The following TENM1 variants were observed in gnomAD, a reference collection of about 807,000 sequenced individuals.
TENM1 encodes the protein teneurin transmembrane protein 1.
In TENM1, 35 loss-of-function variants were observed where a neutral mutation model predicts 174.8. That is an observed-to-expected ratio of 0.20 (90% CI 0.15 to 0.27). TENM1 has a LOEUF of 0.27. Among genes scored for constraint, TENM1 ranks in the 10% least tolerant of loss-of-function variants. The pLI is 1.00. For synonymous variants in TENM1, 781 were observed against 798.7 expected (o/e 0.98, Z 0.37); for missense variants, 1,633 against 2,130.1 (o/e 0.77, Z 4.59).
chrX:124,718,601 A>C (rs2053240511), intron 4 of TENM1, among the ~76,000 whole-genome samples: 1 of 112,368 alleles, frequency 8.9e-6, no homozygotes. Flanking sequence ...AGAGAGGCTC[A>C]GATTTAAATG....
At chrX:124,613,283 G>A (rs2148310669) in intron 11 of TENM1, among the ~76,000 whole-genome samples, 1 of 110,943 alleles carries the variant, frequency 9.0e-6, no homozygotes, top group South Asian at 3.9e-4. Flanking sequence ...GGCATTATGA[G>A]GAAAAAATAG....
the TENM1 span, among the ~76,000 whole-genome samples, chrX:125,090,681 T>A: frequency 9.0e-6 from 1 of 110,984 alleles, no homozygotes; most frequent in Non-Finnish European, 1.9e-5. Context: ...AACACAGCCA[T>A]GAAAATATGT....
intron 11 of TENM1, among the ~76,000 whole-genome samples, chrX:124,609,318 C>T (rs2050232703): frequency 9.0e-6 from 1 of 111,298 alleles, no homozygotes; most frequent in African/African-American, 3.3e-5. Flanking sequence ...AAAAAGTCTC[C>T]CAAGCCAAGA....
At chrX:124,832,703 T>A (rs1447236498) in intron 3 of TENM1, among the ~76,000 whole-genome samples, 1 of 111,382 alleles carries the variant, frequency 9.0e-6, no homozygotes, top group Non-Finnish European at 1.9e-5. Flanking sequence ...GCCTCCTGAG[T>A]AGAAAGGACT....
At chrX:124,906,299 G>GAC (rs2057747489) in intron 1 of TENM1, among the ~76,000 whole-genome samples, 5 of 111,849 alleles carry the variant, frequency 4.5e-5, no homozygotes, top group Admixed American at 3.8e-4. Context: ...TGCTGAATGT[G>GAC]TATTGCTTTT....
intron 3 of TENM1, among the ~76,000 whole-genome samples, chrX:124,884,541 C>G (rs1226805277): frequency 9.0e-6 from 1 of 111,154 alleles, no homozygotes; most frequent in Non-Finnish European, 1.9e-5. Context: ...TGGGGTCTCT[C>G]ACTTATCCTT....
chrX:124,557,554 T>C (rs993624324), intron 14 of TENM1, among the ~76,000 whole-genome samples: 1 of 111,099 alleles, frequency 9.0e-6, no homozygotes, highest in Non-Finnish European at 1.9e-5. Context: ...ATGGTATGAA[T>C]TAAAAAATCT....
rs192989601 is a variant in TENM1 at position 124,931,129 on chromosome X, T to A, written c.217+32408A>T. 1.9e-3 allele frequency among the ~76,000 whole-genome samples: 212 copies of A among 110,288 alleles called. 1 individual carries two copies. Among genetic ancestry groups the A allele is most frequent in the African/African-American group, 6.6e-3 (199 of 30,299 alleles). ...CAGAGAAGAAGGCTTCAAAACTCAATCCAAATCAAAGAGGGCTGCAGACTT... is the reference window on the plus strand; with the variant it reads ...CAGAGAAGAAGGCTTCAAAACTCAAACCAAATCAAAGAGGGCTGCAGACTT... On this transcript the variant is annotated intron_variant, in intron 1 of 31. Coordinates refer to ENST00000422452, the Ensembl canonical transcript of TENM1.
the TENM1 span, among the ~76,000 whole-genome samples, chrX:125,139,823 A>AACACACACACACAC: frequency 1.3e-5 from 1 of 78,530 alleles, no homozygotes. Context: ...AGCTGCCCTC[A>AACACACACACACAC]ACACACACAC....
chrX:124,420,619 T>G, exon 25 of TENM1: 1 of 1,211,324 alleles, frequency 8.3e-7, no homozygotes, highest in Non-Finnish European at 1.1e-6. Context: ...GTAGGTGGGT[T>G]CCATTTACAG....
chrX:124,743,103 T>C (rs1206290560), intron 3 of TENM1, among the ~76,000 whole-genome samples: 5 of 112,042 alleles, frequency 4.5e-5, no homozygotes. Context: ...GATTTGCATG[T>C]TACGGCTAAT....
At chrX:125,187,759 T>G in the TENM1 span, among the ~76,000 whole-genome samples, 1 of 111,535 alleles carries the variant, frequency 9.0e-6, no homozygotes, top group African/African-American at 3.3e-5. Flanking sequence ...TGTGTAGGTC[T>G]GTGTGTTTAT....
chrX:125,132,712 C>G, the TENM1 span, among the ~76,000 whole-genome samples: 1 of 111,538 alleles, frequency 9.0e-6, no homozygotes, highest in African/African-American at 3.3e-5. Flanking sequence ...GATGGGGAAA[C>G]CAGGCACAGA....
the TENM1 span, among the ~76,000 whole-genome samples, chrX:125,070,855 A>G: frequency 1.8e-5 from 2 of 111,558 alleles, no homozygotes; most frequent in Non-Finnish European, 3.8e-5. Context: ...GTCACCTAAC[A>G]GAATGATGTA....
At position 124,887,612 on chromosome X, in the gene TENM1, G is replaced by A. The variant is rs141998957; in HGVS notation, c.535+6684C>T. Among the ~76,000 whole-genome samples the A allele has an allele frequency of 4.2e-4, 47 of 111,580 alleles. 3 individuals are homozygous for A. In the East Asian group the frequency reaches 0.013, roughly 31 times the overall value. ...AGCTTGTTATATCTACCTTGATAAT[G>A]GCTTGAAATTCAGTATCATCAAAGT... On this transcript the variant is annotated intron_variant, in intron 3 of 31. Coordinates refer to ENST00000422452, the Ensembl canonical transcript of TENM1.
chrX:124,888,808 C>A (rs1185992257), intron 3 of TENM1, among the ~76,000 whole-genome samples: 1 of 111,743 alleles, frequency 8.9e-6, no homozygotes, highest in African/African-American at 3.3e-5. Flanking sequence ...GCTATATATC[C>A]ATTTTCTCAT....
chrX:124,545,603 C>T (rs5958519), intron 15 of TENM1, among the ~76,000 whole-genome samples: 38,162 of 110,720 alleles, frequency 0.34, 5,503 homozygotes, highest in East Asian at 0.77. Context: ...AATAGGAAAA[C>T]AGGGATAATG....
chrX:124,882,282 C>T (rs1240281641), intron 3 of TENM1, among the ~76,000 whole-genome samples: 2 of 111,985 alleles, frequency 1.8e-5, no homozygotes, highest in Non-Finnish European at 3.8e-5. Context: ...AACATGTGGT[C>T]TATCCTGGAG....
At chrX:124,612,323 G>C (rs1299678107) in intron 11 of TENM1, among the ~76,000 whole-genome samples, 1 of 110,408 alleles carries the variant, frequency 9.1e-6, no homozygotes, top group Non-Finnish European at 1.9e-5. Flanking sequence ...CCCTCATTCT[G>C]ATAACTCACC....
Sources: gnomAD v4.1 joint callset for allele counts (sites outside exome capture counted in the v4.1 genomes callset) on GRCh38, gnomAD v4.1.1 for gene constraint, MANE v1.5 for transcripts, NCBI Gene and HGNC (gene_info 2026-07-23, HGNC 2026-07-21) for gene names.